The following TEAD1 variants were observed in gnomAD, a reference collection of about 807,000 sequenced individuals.
TEAD1 encodes transcriptional enhancer factor TEF-1.
In TEAD1, 9 loss-of-function variants were observed where a neutral mutation model predicts 54.9. The ratio of observed to expected loss-of-function variants is 0.16; its 90% CI spans 0.10 to 0.29. The LOEUF (loss-of-function observed/expected upper bound fraction) is 0.29, where lower values mean the gene tolerates loss of function less well. Ranked by LOEUF, TEAD1 falls within the 10% of genes least tolerant of loss-of-function variation. TEAD1 has a pLI of 1.00. For missense variants in TEAD1, 387 were observed against 535.9 expected, an observed-to-expected ratio of 0.72 and a Z score of 2.74; for synonymous variants, 200 against 187.8, an observed-to-expected ratio of 1.07 and a Z score of -0.53.
At chr11:12,740,028 A>T (rs12416968) in intron 2 of TEAD1, among the ~76,000 whole-genome samples, 5,177 of 152,314 alleles carry the variant, frequency 0.034, 104 homozygotes, top group Non-Finnish European at 0.052. Context: ...GGAACTTTGT[A>T]GGTGGCGAGG....
intron 9 of TEAD1, among the ~76,000 whole-genome samples, chr11:12,898,711 A>G (rs1308901397): frequency 6.6e-6 from 1 of 152,144 alleles, no homozygotes; most frequent in Non-Finnish European, 1.5e-5. Flanking sequence ...AACATTTCTT[A>G]TATGGCAGGT....
rs1013785466 is a variant in TEAD1 at position 12,803,348 on chromosome 11, A to G, written c.202+38914A>G. Among the ~76,000 whole-genome samples, 8 of 152,344 alleles carry G rather than the reference A, an allele frequency of 5.3e-5. No individual in the cohort carries two copies. The South Asian group carries it at 1.7e-3, about 32-fold the overall frequency. On this transcript the variant is annotated intron_variant, in intron 3 of 12. Transcript: ENST00000527636. ...CTTGGATGAAGGATTATGAGTCTGAATGTGAATTAGTCAGAGCAGCTTTGT... is the reference window on the plus strand; with the variant it reads ...CTTGGATGAAGGATTATGAGTCTGAGTGTGAATTAGTCAGAGCAGCTTTGT...
intron 2 of TEAD1, among the ~76,000 whole-genome samples, chr11:12,745,445 A>G (rs931076253): frequency 4.6e-5 from 7 of 152,130 alleles, no homozygotes; most frequent in Non-Finnish European, 7.3e-5. Context: ...ACTGGTGATA[A>G]GTTCTTCTAT....
Position 12,943,151 on chromosome 11 carries a change from A to G in TEAD1, c.*5929A>G, listed in dbSNP as rs917459863. Reference sequence around the variant, plus strand: ...CTCTGAAATTTTAGGAGTGATTCTTATCCACTCCAAGTTGTAAGTATTTGT... The same window carrying G: ...CTCTGAAATTTTAGGAGTGATTCTTGTCCACTCCAAGTTGTAAGTATTTGT... On this transcript the variant is annotated 3_prime_UTR_variant, in exon 13 of 13. Transcript: ENST00000527636. 3 of 152,238 alleles carry G rather than the reference A, an allele frequency of 2.0e-5. No homozygotes were observed. Among genetic ancestry groups the G allele is most frequent in the African/African-American group, 7.2e-5 (3 of 41,458 alleles). The allele number at this position is 152,238 out of a possible 1,614,324, so 9.4% of individuals were successfully genotyped here.
At chr11:12,686,731 A>G (rs977044328) in intron 2 of TEAD1, among the ~76,000 whole-genome samples, 1 of 152,218 alleles carries the variant, frequency 6.6e-6, no homozygotes, top group Non-Finnish European at 1.5e-5. Context: ...TAAGCCAGAG[A>G]ACATTGAGTG....
At chr11:12,716,114 G>A (rs1419472726) in intron 2 of TEAD1, among the ~76,000 whole-genome samples, 3 of 151,892 alleles carry the variant, frequency 2.0e-5, no homozygotes, top group Admixed American at 6.5e-5. Flanking sequence ...CCTGTCCTGC[G>A]CGGGCTCTTT....
chr11:12,919,005 G>T (rs542977212), intron 10 of TEAD1, among the ~76,000 whole-genome samples: 4 of 152,306 alleles, frequency 2.6e-5, no homozygotes, highest in East Asian at 3.9e-4. Flanking sequence ...AAGGATATTT[G>T]GGGGAGAGAG....
intron 2 of TEAD1, among the ~76,000 whole-genome samples, chr11:12,711,552 A>G (rs973374590): frequency 6.6e-6 from 1 of 152,260 alleles, no homozygotes; most frequent in Middle Eastern, 3.4e-3. Flanking sequence ...AGACAAGGCC[A>G]AGTCCTCTCT....
At chr11:12,793,294 A>T (rs376132614) in intron 3 of TEAD1, among the ~76,000 whole-genome samples, 9 of 152,070 alleles carry the variant, frequency 5.9e-5, no homozygotes, top group East Asian at 5.8e-4. Context: ...AAGGATAGAT[A>T]TTTTTTTTAA....
chr11:12,897,587 T>C (rs1948337252), intron 9 of TEAD1, among the ~76,000 whole-genome samples: 1 of 152,178 alleles, frequency 6.6e-6, no homozygotes, highest in Non-Finnish European at 1.5e-5. Flanking sequence ...ATGCCAATGG[T>C]CAGAGTTTGG....
intron 5 of TEAD1, among the ~76,000 whole-genome samples, chr11:12,865,828 T>C (rs1405022015): frequency 2.0e-5 from 3 of 152,228 alleles, no homozygotes; most frequent in Non-Finnish European, 4.4e-5. Context: ...ATAATAAAAA[T>C]TGATTTTGGC....
At chr11:12,874,809 CT>C (rs1050725509) in intron 5 of TEAD1, among the ~76,000 whole-genome samples, 7 of 152,114 alleles carry the variant, frequency 4.6e-5, no homozygotes, top group African/African-American at 1.7e-4. Context: ...AGGTCATGGG[CT>C]TGGGTTGGGG....
At chr11:12,748,877 G>A (rs1404138272) in intron 2 of TEAD1, among the ~76,000 whole-genome samples, 3 of 151,938 alleles carry the variant, frequency 2.0e-5, no homozygotes, top group Admixed American at 6.6e-5. Context: ...AGGGGGACTG[G>A]GGGTCAAATG....
chr11:12,818,767 G>T (rs1006573929), intron 3 of TEAD1, among the ~76,000 whole-genome samples: 2 of 152,328 alleles, frequency 1.3e-5, no homozygotes, highest in East Asian at 3.9e-4. Flanking sequence ...GGGGTGTGCA[G>T]ATGCAATTTA....
intron 2 of TEAD1, among the ~76,000 whole-genome samples, chr11:12,685,243 A>C (rs926695242): frequency 6.6e-6 from 1 of 152,208 alleles, no homozygotes; most frequent in Admixed American, 6.5e-5. Context: ...AAAAATTAAA[A>C]TGAAGACTTA....
rs775570987 is a variant in TEAD1, at chr11:12,937,256, T to TAC, written c.*44_*45dup. On this transcript the variant is annotated 3_prime_UTR_variant, in exon 13 of 13. Coordinates refer to ENST00000527636, the MANE Select transcript of TEAD1 (RefSeq NM_021961.6). The stretch of plus-strand genomic sequence containing the variant: ...ATTTATATATATAGATATCTGTATA[T>TAC]ACACACACACATATGTGCACACACA... The TAC allele has an allele frequency of 3.5e-6, 5 of 1,419,626 alleles. No homozygotes were observed. Among genetic ancestry groups the TAC allele is most frequent in the African/African-American group, 1.4e-5 (1 of 70,010 alleles). The allele number at this position is 1,419,626 out of a possible 1,614,324, so 87.9% of individuals were successfully genotyped here. A position where few individuals can be genotyped will look rare whatever the true frequency, so the allele number is the denominator to read the frequency against.
chr11:12,863,335 A>T (rs1404523182), intron 4 of TEAD1, among the ~76,000 whole-genome samples: 1 of 152,182 alleles, frequency 6.6e-6, no homozygotes, highest in Non-Finnish European at 1.5e-5. Context: ...ACGCAGAGGC[A>T]GCGCATTGTC....
intron 3 of TEAD1, among the ~76,000 whole-genome samples, chr11:12,796,264 T>C (rs887168648): frequency 1.3e-5 from 2 of 152,186 alleles, no homozygotes; most frequent in Admixed American, 6.5e-5. Context: ...GGTGTGGAGA[T>C]AGCATATAGT....
intron 2 of TEAD1, among the ~76,000 whole-genome samples, chr11:12,714,081 C>T (rs1944002225): frequency 6.6e-6 from 1 of 151,824 alleles, no homozygotes; most frequent in South Asian, 2.1e-4. Context: ...CAGGATTCTG[C>T]CTTCAAGAAA....
Sources: gnomAD v4.1 joint callset for allele counts (sites outside exome capture counted in the v4.1 genomes callset) on GRCh38, gnomAD v4.1.1 for gene constraint, MANE v1.5 for transcripts, NCBI Gene and HGNC (gene_info 2026-07-23, HGNC 2026-07-21) for gene names.